The following PHF20L1 variants were observed in gnomAD, a reference collection of about 807,000 sequenced individuals.
The protein encoded by PHF20L1 is PHD finger protein 20-like protein 1.
PHF20L1 carries 44 observed loss-of-function variants against 125.5 expected under a neutral mutation model. The observed-to-expected ratio is 0.35, with a 90% CI of 0.28 to 0.45. The LOEUF is 0.45. Ranked by LOEUF, PHF20L1 falls within the 20% of genes least tolerant of loss-of-function variation. The pLI is 1.00. For synonymous variants in PHF20L1, 380 were observed against 403.1 expected (o/e 0.94, Z 0.69); for missense variants, 1,012 against 1,217.2 (o/e 0.83, Z 2.51).
At chr8:132,832,471 T>G (rs984642589) in intron 15 of PHF20L1, 72 bp downstream of exon 15, 1 of 1,110,290 alleles carries the variant, frequency 9.0e-7, no homozygotes, top group African/African-American at 1.5e-5. Context: ...TAAAACGTAC[T>G]CTGTTAAGAG....
At chr8:132,779,174 G>A (rs1023328914) in intron 2 of PHF20L1, among the ~76,000 whole-genome samples, 2 of 152,138 alleles carry the variant, frequency 1.3e-5, no homozygotes, top group Non-Finnish European at 2.9e-5. Context: ...GAGGTTAATC[G>A]ATACTGTCAC....
chr8:132,841,809 A>T (rs988492240), intron 18 of PHF20L1: 3 of 152,142 alleles, frequency 2.0e-5, no homozygotes, highest in Non-Finnish European at 2.9e-5. Flanking sequence ...TCTGACTGAA[A>T]TATTCTGACT....
intron 11 of PHF20L1, 102 bp downstream of exon 11, chr8:132,817,178 T>G: frequency 1.1e-6 from 1 of 903,786 alleles, no homozygotes; most frequent in Non-Finnish European, 1.6e-6. Context: ...TGCTCTTATA[T>G]CTTCTGGAGT....
At chr8:132,796,344 A>C (rs577728991) in intron 4 of PHF20L1, among the ~76,000 whole-genome samples, 1 of 152,136 alleles carries the variant, frequency 6.6e-6, no homozygotes, top group South Asian at 2.1e-4. Context: ...AAAGAATTAG[A>C]ATTTTATATG....
At chr8:132,821,136 T>G (rs1445629783) in intron 12 of PHF20L1, among the ~76,000 whole-genome samples, 1 of 151,934 alleles carries the variant, frequency 6.6e-6, no homozygotes, top group Non-Finnish European at 1.5e-5. Context: ...TTCGATGAAA[T>G]GCATCAGGCT....
rs1046206513 is a variant in PHF20L1, at chr8:132,832,452, A to G, written c.1909+53A>G. The G allele has an allele frequency of 5.4e-6, 7 of 1,296,704 alleles. No homozygotes were observed. The African/African-American group carries it at 1.0e-4, about 19-fold the overall frequency. 80.3% of individuals were successfully genotyped at this position (1,296,704 alleles called of 1,614,324 possible). A position where few individuals can be genotyped will look rare whatever the true frequency, so the allele number is the denominator to read the frequency against. On this transcript the variant is annotated intron_variant, in intron 15 of 20. Coordinates refer to ENST00000395386, the MANE Select transcript of PHF20L1 (RefSeq NM_016018.5). ...CAAGACTTACAATTCCTAAATGTGT[A>G]ACTGAGAATAAAACGTACTCTGTTA...
At chr8:132,825,164 G>A in intron 13 of PHF20L1, 100 bp from the exon 14 acceptor site, 1 of 1,558,630 alleles carries the variant, frequency 6.4e-7, no homozygotes, top group Non-Finnish European at 8.7e-7. Flanking sequence ...GCAGGTGACT[G>A]GAATAGCTGA....
Position 132,794,728 on chromosome 8 carries a change from A to G in PHF20L1, c.256-5A>G. Reference sequence around the variant, plus strand: ...GGAATTGATCTTAAAAGTTGTTTAAAATAGGATTTTAAAGCTGGAGAAGAA... The same window carrying G: ...GGAATTGATCTTAAAAGTTGTTTAAGATAGGATTTTAAAGCTGGAGAAGAA... On this transcript the variant is annotated splice_polypyrimidine_tract_variant and splice_region_variant and intron_variant, in intron 3 of 20. Coordinates refer to ENST00000395386, the MANE Select transcript of PHF20L1 (RefSeq NM_016018.5). 6.2e-7 allele frequency: 1 copy of G among 1,609,066 alleles called. No individual in the cohort carries two copies. Among genetic ancestry groups the G allele is most frequent in the Admixed American group, 1.7e-5 (1 of 59,724 alleles).
intron 13 of PHF20L1, 200 bp from the exon 14 acceptor site, chr8:132,825,064 C>G (rs773729721): frequency 1.3e-6 from 2 of 1,482,518 alleles, no homozygotes; most frequent in Non-Finnish European, 1.8e-6. Flanking sequence ...CTCAGCACTG[C>G]TAATGAAGAT....
chr8:132,804,543 T>C lies in PHF20L1; in HGVS notation c.722-72T>C, dbSNP rs757177488. The stretch of plus-strand genomic sequence containing the variant: ...AATGTGCAAAGCATTTTTACTATTT[T>C]GCTGTTAAAAAATCATGTGTTTTAA... On this transcript the variant is annotated intron_variant, in intron 7 of 20. Transcript: ENST00000395386. 5.9e-6 allele frequency: 7 copies of C among 1,182,334 alleles called. No individual in the cohort carries two copies. In the African/African-American group the frequency reaches 9.3e-5, roughly 16 times the overall value. 73.2% of individuals were successfully genotyped at this position (1,182,334 alleles called of 1,614,324 possible).
At chr8:132,814,459 A>G (rs1026792430) in intron 9 of PHF20L1, among the ~76,000 whole-genome samples, 178 bp from the exon 10 acceptor site, 4 of 151,972 alleles carry the variant, frequency 2.6e-5, no homozygotes, top group South Asian at 2.1e-4. Flanking sequence ...AAGACAGCCT[A>G]TTCAACTTTT....
In PHF20L1 at chr8:132,824,970, C is replaced by A. The variant is rs542525533; in HGVS notation, c.1637-294C>A. The A allele has an allele frequency of 2.5e-4, 327 of 1,289,730 alleles. 3 individuals are homozygous for A. The South Asian group carries it at 3.9e-3, about 15-fold the overall frequency. 79.9% of individuals were successfully genotyped at this position (1,289,730 alleles called of 1,614,324 possible). On this transcript the variant is annotated intron_variant, in intron 13 of 20. Transcript: ENST00000395386. ...GTAAATTATGGAGTTTAACTTCTTA[C>A]CACATCAGGAAATTGAGAATATTAC...
At position 132,794,557 on chromosome 8, in the gene PHF20L1, G is replaced by C; in HGVS notation, c.231G>C (p.Gly77=). The change falls in exon 3 of 21, where the codon GGG becomes GGC. Residue 77 remains glycine, a synonymous_variant. Coordinates refer to ENST00000395386, the MANE Select transcript of PHF20L1 (RefSeq NM_016018.5). ...AGAGACCAGCACTAAGAAAAGAAGGGCTAAAAGATGAGGAAGATTTCTTTG... is the reference window on the plus strand; with the variant it reads ...AGAGACCAGCACTAAGAAAAGAAGGCCTAAAAGATGAGGAAGATTTCTTTG... ...PLERPALRKE[G]LKDEEDFFDF... 1.2e-6 allele frequency: 2 copies of C among 1,609,788 alleles called. No homozygotes were observed. Among genetic ancestry groups the C allele is most frequent in the Non-Finnish European group, 1.7e-6 (2 of 1,178,212 alleles).
intron 14 of PHF20L1, among the ~76,000 whole-genome samples, chr8:132,828,042 T>C (rs1053945092): frequency 6.6e-6 from 1 of 152,044 alleles, no homozygotes; most frequent in Admixed American, 6.6e-5. Flanking sequence ...GGTCTTTAAG[T>C]GGGAAATACA....
intron 11 of PHF20L1, 63 bp downstream of exon 11, chr8:132,817,139 T>G (rs764597790): frequency 1.1e-5 from 11 of 1,029,704 alleles, no homozygotes; most frequent in Non-Finnish European, 1.5e-5. Context: ...AACTAAGAGA[T>G]AAAGATTATT....
intron 6 of PHF20L1, among the ~76,000 whole-genome samples, chr8:132,800,294 T>C (rs1378009478): frequency 6.6e-6 from 1 of 151,764 alleles, no homozygotes; most frequent in Non-Finnish European, 1.5e-5. Context: ...TGCCAAGATA[T>C]AAAACAACTG....
intron 19 of PHF20L1, chr8:132,843,604 A>T (rs1474264123): frequency 1.6e-6 from 1 of 643,580 alleles, no homozygotes; most frequent in Non-Finnish European, 1.8e-6. Context: ...CCAAACGCAC[A>T]TTGTGTGTGT....
intron 12 of PHF20L1, among the ~76,000 whole-genome samples, chr8:132,822,391 T>G (rs1444930882): frequency 6.6e-6 from 1 of 151,922 alleles, no homozygotes; most frequent in Non-Finnish European, 1.5e-5. Context: ...CTCCAGGAGA[T>G]TCTAAACATC....
chr8:132,776,876 A>T (rs1829854831), intron 1 of PHF20L1, among the ~76,000 whole-genome samples: 1 of 152,280 alleles, frequency 6.6e-6, no homozygotes, highest in African/African-American at 2.4e-5. Context: ...TTATGTTTTG[A>T]TTAGGTTATC....
Sources: gnomAD v4.1 joint callset for allele counts (sites outside exome capture counted in the v4.1 genomes callset) on GRCh38, gnomAD v4.1.1 for gene constraint, MANE v1.5 for transcripts, NCBI Gene and HGNC (gene_info 2026-07-23, HGNC 2026-07-21) for gene names.